Variants in DYM observed in about 807,000 individuals in gnomAD.
The protein encoded by DYM is dymeclin.
In DYM, 78 loss-of-function variants were observed where a neutral mutation model predicts 93.1. The observed-to-expected ratio is 0.84, with a 90% confidence interval of 0.70 to 1.01. The LOEUF is 1.01. DYM is among the 50% of genes least tolerant of loss of function. DYM has a pLI of 0.00. For synonymous variants in DYM, 321 were observed against 319.7 expected (o/e 1.00, Z -0.04); for missense variants, 789 against 845.0 (o/e 0.93, Z 0.82).
intron 5 of DYM, 148 bp downstream of exon 5, chr18:49,378,419 G>C: frequency 1.3e-6 from 1 of 792,822 alleles, no homozygotes; most frequent in Non-Finnish European, 1.9e-6. Flanking sequence ...AATTAACACA[G>C]AAAAAGAAAA....
intron 8 of DYM, among the ~76,000 whole-genome samples, chr18:49,301,147 A>T (rs1431335263): frequency 1.3e-5 from 2 of 152,202 alleles, no homozygotes; most frequent in African/African-American, 4.8e-5. Context: ...TCTTCATTCT[A>T]ATATGGGGTC....
intron 8 of DYM, among the ~76,000 whole-genome samples, chr18:49,321,761 G>GA (rs1010624146): frequency 6.6e-6 from 1 of 151,730 alleles, no homozygotes; most frequent in Admixed American, 6.6e-5. Flanking sequence ...AAAAGGGGGG[G>GA]AAAAAAGTCA....
chr18:49,347,839 G>A (rs2064734020), intron 6 of DYM, among the ~76,000 whole-genome samples: 1 of 152,198 alleles, frequency 6.6e-6, no homozygotes, highest in African/African-American at 2.4e-5. Flanking sequence ...GATGAAAAAT[G>A]TTTTAATTCA....
intron 16 of DYM, among the ~76,000 whole-genome samples, chr18:49,117,250 C>T (rs921122051): frequency 2.0e-5 from 3 of 152,098 alleles, no homozygotes; most frequent in South Asian, 2.1e-4. Context: ...TAGCTGCAAC[C>T]GTTAGGTATA....
intron 1 of DYM, among the ~76,000 whole-genome samples, chr18:49,440,250 C>T (rs1320009037): frequency 7.1e-6 from 1 of 140,610 alleles, no homozygotes; most frequent in African/African-American, 2.6e-5. Context: ...TGCCCTAATG[C>T]CCTTTGTCCC....
intron 13 of DYM, among the ~76,000 whole-genome samples, chr18:49,233,308 G>T (rs548276911): frequency 2.7e-5 from 4 of 149,666 alleles, no homozygotes; most frequent in African/African-American, 9.9e-5. Flanking sequence ...TCAGTGAGCC[G>T]AGATCAAGCT....
chr18:49,154,455 C>T (rs1039724960), intron 15 of DYM, among the ~76,000 whole-genome samples: 7 of 151,888 alleles, frequency 4.6e-5, no homozygotes, highest in African/African-American at 1.7e-4. Flanking sequence ...AGTGCAATGG[C>T]GCAATCTCAG....
intron 5 of DYM, among the ~76,000 whole-genome samples, chr18:49,375,193 G>GACACAC (rs34631271): frequency 0.069 from 9,480 of 137,850 alleles, 380 homozygotes; most frequent in East Asian, 0.18. Flanking sequence ...AAGGGGAAAA[G>GACACAC]ACACACACAC....
intron 6 of DYM, among the ~76,000 whole-genome samples, chr18:49,342,050 C>T (rs1027740220): frequency 1.3e-5 from 2 of 152,150 alleles, no homozygotes; most frequent in South Asian, 2.1e-4. Context: ...ATCCAGGTGT[C>T]GGCAAGCTGC....
intron 17 of DYM, among the ~76,000 whole-genome samples, chr18:49,087,470 A>T (rs940741297): frequency 3.3e-5 from 5 of 152,254 alleles, no homozygotes; most frequent in African/African-American, 1.2e-4. Flanking sequence ...AACAAAAATA[A>T]TGTAAGACAT....
chr18:49,176,479 T>C (rs531315572), intron 14 of DYM, among the ~76,000 whole-genome samples: 2 of 151,672 alleles, frequency 1.3e-5, no homozygotes, highest in East Asian at 3.9e-4. Context: ...GGTGCAATCA[T>C]AGCTCATGAC....
chr18:49,449,410 G>A (rs2082345855), intron 1 of DYM, among the ~76,000 whole-genome samples: 1 of 152,196 alleles, frequency 6.6e-6, no homozygotes, highest in Non-Finnish European at 1.5e-5. Flanking sequence ...AATAGGAAGA[G>A]AGGCGGTACC....
intron 13 of DYM, among the ~76,000 whole-genome samples, chr18:49,237,011 C>G (rs1278291437): frequency 1.3e-5 from 2 of 152,144 alleles, no homozygotes; most frequent in African/African-American, 2.4e-5. Context: ...GAGAAACTCT[C>G]CTGCAGTTGC....
chr18:49,204,657 A>G (rs1245078325), intron 14 of DYM, among the ~76,000 whole-genome samples: 1 of 152,236 alleles, frequency 6.6e-6, no homozygotes, highest in African/African-American at 2.4e-5. Flanking sequence ...TAAATGCATG[A>G]CAGTCATCAG....
chr18:49,190,054 A>G (rs2090827185), intron 14 of DYM, among the ~76,000 whole-genome samples: 1 of 152,244 alleles, frequency 6.6e-6, no homozygotes, highest in African/African-American at 2.4e-5. Flanking sequence ...AGTGTTATGC[A>G]AGACAAGAAA....
chr18:49,119,048 G>T, intron 15 of DYM, 122 bp from the exon 16 acceptor site: 1 of 803,962 alleles, frequency 1.2e-6, no homozygotes, highest in Non-Finnish European at 2.0e-6. Context: ...AAGAGAAGAA[G>T]CTCATCAAGA....
chr18:49,039,051 A>C lies in DYM; in HGVS notation c.*5004T>G, dbSNP rs2070807886. ...GGGCTCTGTCCTTACGTTTGGGATT[A>C]TTTTCCTTCTGCCTGTAAAACACCT... On this transcript the variant is annotated 3_prime_UTR_variant, in exon 18 of 18. Coordinates refer to ENST00000675505, the MANE Select transcript of DYM (RefSeq NM_001353214.3). Among the ~76,000 whole-genome samples, 1 of 152,082 alleles carries C rather than the reference A, an allele frequency of 6.6e-6. No homozygotes were observed. Among genetic ancestry groups the C allele is most frequent in the African/African-American group, 2.4e-5 (1 of 41,410 alleles).
intron 2 of DYM, among the ~76,000 whole-genome samples, chr18:49,427,368 TG>T (rs1160093457): frequency 6.6e-6 from 1 of 152,052 alleles, no homozygotes; most frequent in Non-Finnish European, 1.5e-5. Context: ...GTGGCAAGGG[TG>T]GGAAGTGGAC....
At chr18:49,286,408 A>G (rs944608089) in intron 9 of DYM, 26 bp downstream of exon 9, 15 of 1,612,830 alleles carry the variant, frequency 9.3e-6, no homozygotes, top group Non-Finnish European at 1.3e-5. Flanking sequence ...CATTACAAAG[A>G]ATATTAGAGA....
Sources: allele counts gnomAD v4.1 joint callset (sites outside exome capture counted in the v4.1 genomes callset), GRCh38; gene constraint gnomAD v4.1.1; transcripts MANE v1.5; gene names NCBI Gene and HGNC (gene_info 2026-07-23, HGNC 2026-07-21).